Variants in SLC1A1 observed in about 807,000 individuals in gnomAD.
The protein encoded by SLC1A1 is excitatory amino acid transporter 3.
SLC1A1 carries 43 observed loss-of-function variants against 53.3 expected under a neutral mutation model. The ratio of observed to expected loss-of-function variants is 0.81; its 90% CI spans 0.63 to 1.04. The LOEUF (loss-of-function observed/expected upper bound fraction) is 1.04, where lower values mean the gene tolerates loss of function less well. Ranked by LOEUF, SLC1A1 falls within the 50% of genes least tolerant of loss-of-function variation. The pLI, the probability that SLC1A1 is intolerant of heterozygous loss-of-function variation, is 0.00. For missense variants in SLC1A1, 748 were observed against 664.9 expected, an observed-to-expected ratio of 1.12 and a Z score of -1.37; for synonymous variants, 307 against 243.2, an observed-to-expected ratio of 1.26 and a Z score of -2.44.
At chr9:4,580,401 C>T (rs894382494) in intron 10 of SLC1A1, among the ~76,000 whole-genome samples, 6 of 151,728 alleles carry the variant, frequency 4.0e-5, no homozygotes, top group South Asian at 2.1e-4. Flanking sequence ...AGCAACAAGG[C>T]GAGGCCCCGT....
At chr9:4,545,674 T>C (rs1817433154) in intron 2 of SLC1A1, among the ~76,000 whole-genome samples, 1 of 152,218 alleles carries the variant, frequency 6.6e-6, no homozygotes, top group South Asian at 2.1e-4. Context: ...AGGGTTTAAA[T>C]ATGGAAGTGC....
In SLC1A1 at chr9:4,556,132, G is replaced by C. The variant is rs148636977; in HGVS notation, c.233-5317G>C. The stretch of plus-strand genomic sequence containing the variant: ...GCCTCCTGAGTAGCTGGGATTGCAG[G>C]TGCACACCATCACACCCAGCAAATT... On this transcript the variant is annotated intron_variant, in intron 2 of 11. Coordinates refer to ENST00000262352, the MANE Select transcript of SLC1A1 (RefSeq NM_004170.6). This position sits in a 1 kb window ranked among gnomAD's most constrained non-coding sequence, Gnocchi z 4.1. Among the ~76,000 whole-genome samples the C allele has an allele frequency of 4.7e-4, 72 of 152,124 alleles. No individual in the cohort carries two copies. Among genetic ancestry groups the C allele is most frequent in the Non-Finnish European group, 8.8e-4 (60 of 68,012 alleles).
intron 9 of SLC1A1, 22 bp from the exon 10 acceptor site, chr9:4,576,547 C>T: frequency 1.2e-6 from 2 of 1,605,870 alleles, no homozygotes; most frequent in Non-Finnish European, 1.7e-6. Context: ...GACATAAGTT[C>T]CTTTCTATTT....
In SLC1A1 at chr9:4,554,839, A is replaced by T. The variant is rs1413437520; in HGVS notation, c.233-6610A>T. ...AATGAAGGAATGAATGAGGGAGGGA[A>T]TGAATGAATCAGTTAATGCTTGTTG... On this transcript the variant is annotated intron_variant, in intron 2 of 11. Transcript: ENST00000262352. Among the ~76,000 whole-genome samples, 2 of 152,232 alleles carry T rather than the reference A, an allele frequency of 1.3e-5. 1 individual carries two copies. The highest frequency in any genetic ancestry group is 2.9e-5 in the Non-Finnish European group (2 of 68,046).
intron 1 of SLC1A1, among the ~76,000 whole-genome samples, chr9:4,502,273 G>GCTA (rs1820657781): frequency 6.7e-6 from 1 of 149,738 alleles, no homozygotes; most frequent in Non-Finnish European, 1.5e-5. Flanking sequence ...TGTAGTCCCA[G>GCTA]CTACTCAGGG....
intron 1 of SLC1A1, among the ~76,000 whole-genome samples, chr9:4,498,135 T>A (rs1416656667): frequency 6.6e-6 from 1 of 152,202 alleles, no homozygotes; most frequent in Non-Finnish European, 1.5e-5. Flanking sequence ...TATTCATTCC[T>A]CAGTTCATTG....
chr9:4,575,290 G>C (rs998751277), intron 8 of SLC1A1, among the ~76,000 whole-genome samples: 1 of 152,184 alleles, frequency 6.6e-6, no homozygotes, highest in Non-Finnish European at 1.5e-5. Flanking sequence ...TCTGTGAAAT[G>C]AGTCTCATTT....
At chr9:4,578,368 T>C (rs1297192080) in intron 10 of SLC1A1, among the ~76,000 whole-genome samples, 2 of 152,208 alleles carry the variant, frequency 1.3e-5, no homozygotes, top group Non-Finnish European at 1.5e-5. Flanking sequence ...AATATGCATA[T>C]AAAATGTTTA....
At chr9:4,513,846 G>T (rs1451208715) in intron 1 of SLC1A1, among the ~76,000 whole-genome samples, 1 of 152,140 alleles carries the variant, frequency 6.6e-6, no homozygotes, top group East Asian at 1.9e-4. Flanking sequence ...CATAAAACGT[G>T]ATCTATTCAG....
rs1474614357 is a variant in SLC1A1, at chr9:4,572,351, A to G, written c.730A>G (p.Ser244Gly). The change falls in exon 7 of 12, where the codon AGT (serine) becomes GGT (glycine). Residue 244 changes from serine to glycine, a missense_variant. Coordinates refer to ENST00000262352, the MANE Select transcript of SLC1A1 (RefSeq NM_004170.6). ...TCTGGTGGATTTCTTCAATGCTTTG[A>G]GTGATGCAACCATGAAAATCGTTCA... The part of the protein sequence containing the change: ...QILVDFFNAL[S>G]DATMKIVQII... 3.7e-6 allele frequency: 6 copies of G among 1,614,074 alleles called. No individual in the cohort carries two copies. Among genetic ancestry groups the G allele is most frequent in the Non-Finnish European group, 5.1e-6 (6 of 1,180,012 alleles).
chr9:4,498,067 G>C (rs778225741), intron 1 of SLC1A1, among the ~76,000 whole-genome samples: 13 of 152,118 alleles, frequency 8.5e-5, no homozygotes, highest in Non-Finnish European at 1.3e-4. Flanking sequence ...TGTTGACTTG[G>C]GTTATAAAAC....
At chr9:4,502,801 A>G (rs774876877) in intron 1 of SLC1A1, among the ~76,000 whole-genome samples, 2 of 151,780 alleles carry the variant, frequency 1.3e-5, no homozygotes, top group African/African-American at 2.4e-5. Context: ...TCTTTCTTGC[A>G]AAGTGGCCAA....
At chr9:4,568,274 C>T (rs553363034) in intron 6 of SLC1A1, among the ~76,000 whole-genome samples, 5 of 151,940 alleles carry the variant, frequency 3.3e-5, no homozygotes, top group East Asian at 1.9e-4. Context: ...GAAAAATAGC[C>T]GGGTGTGATG....
At chr9:4,499,638 T>C (rs1427112413) in intron 1 of SLC1A1, among the ~76,000 whole-genome samples, 1 of 152,254 alleles carries the variant, frequency 6.6e-6, no homozygotes, top group African/African-American at 2.4e-5. Flanking sequence ...AAAATGATTT[T>C]ACATATTAGA....
chr9:4,501,064 T>G (rs72687851), intron 1 of SLC1A1, among the ~76,000 whole-genome samples: 5,150 of 152,186 alleles, frequency 0.034, 137 homozygotes, highest in South Asian at 0.061. Flanking sequence ...AGGTCACCAC[T>G]CCCGAGCCCT....
At chr9:4,521,905 C>T (rs141558090) in intron 1 of SLC1A1, among the ~76,000 whole-genome samples, 311 of 152,248 alleles carry the variant, frequency 2.0e-3, no homozygotes, top group African/African-American at 7.2e-3. Context: ...TGTCCAGTTG[C>T]TTGAGGCTTG....
Position 4,586,212 on chromosome 9 carries a change from G to T in SLC1A1, c.*654G>T. The T allele has an allele frequency of 6.9e-6, 1 of 144,940 alleles. No individual in the cohort carries two copies. Among genetic ancestry groups the T allele is most frequent in the Non-Finnish European group, 1.5e-5 (1 of 66,878 alleles). The allele number at this position is 144,940 out of a possible 1,614,324, so 9.0% of individuals were successfully genotyped here. ...CTGTTAACCCAGTGTTCAGCATAGA[G>T]CTATATATATATATATATGTATATA... On this transcript the variant is annotated 3_prime_UTR_variant, in exon 12 of 12. Coordinates refer to ENST00000262352, the MANE Select transcript of SLC1A1 (RefSeq NM_004170.6).
chr9:4,552,840 T>C (rs1180471527), intron 2 of SLC1A1, among the ~76,000 whole-genome samples: 1 of 151,696 alleles, frequency 6.6e-6, no homozygotes, highest in African/African-American at 2.4e-5. Flanking sequence ...CTCTTTTTTG[T>C]CTGAGACCTT....
chr9:4,557,881 C>G (rs1199907860), intron 2 of SLC1A1, among the ~76,000 whole-genome samples: 8 of 152,160 alleles, frequency 5.3e-5, no homozygotes, highest in South Asian at 2.1e-4. Context: ...GAGATCCCAG[C>G]TCTACCACTC....
Sources: gnomAD v4.1 joint callset for allele counts (sites outside exome capture counted in the v4.1 genomes callset) on GRCh38, gnomAD v4.1.1 for gene constraint, Gnocchi (gnomAD v3.1) non-coding constraint, MANE v1.5 for transcripts, NCBI Gene and HGNC (gene_info 2026-07-23, HGNC 2026-07-21) for gene names.